The following CADPS variants were observed in gnomAD, a reference collection of about 807,000 sequenced individuals.
CADPS encodes the protein calcium dependent secretion activator, also known as calcium-dependent secretion activator 1.
CADPS carries 57 observed loss-of-function variants against 167.3 expected under a neutral mutation model. The observed-to-expected ratio is 0.34, with a 90% CI of 0.28 to 0.42. CADPS has a LOEUF of 0.42. Ranked by LOEUF, CADPS falls within the 20% of genes least tolerant of loss-of-function variation. The probability of loss-of-function intolerance (pLI) is 1.00; values close to 1 mark genes in which losing one functional copy is unlikely to be tolerated. For synonymous variants in CADPS, 676 were observed against 635.3 expected (o/e 1.06, Z -0.96); for missense variants, 1,414 against 1,738.1 (o/e 0.81, Z 3.32).
At position 62,822,038 on chromosome 3, in the gene CADPS, G is replaced by C. The variant is rs145207597; in HGVS notation, c.441+52551C>G. The stretch of plus-strand genomic sequence containing the variant: ...ACCATCCATCCTCAAGCCAGTGTTG[G>C]TGCATCAAATCCTTCCCATTCTTGG... On this transcript the variant is annotated intron_variant, in intron 1 of 29. Transcript: ENST00000383710. Among the ~76,000 whole-genome samples, 53 of 152,258 alleles carry C rather than the reference G, an allele frequency of 3.5e-4. 1 individual carries two copies. The East Asian group carries it at 9.5e-3, about 27-fold the overall frequency.
chr3:62,437,713 C>G (rs1265219826), intron 28 of CADPS, among the ~76,000 whole-genome samples: 1 of 152,178 alleles, frequency 6.6e-6, no homozygotes, highest in East Asian at 1.9e-4. Context: ...GGCGCCACCC[C>G]CAGGAGAGGG....
intron 12 of CADPS, among the ~76,000 whole-genome samples, chr3:62,535,167 T>A (rs2074432962): frequency 6.6e-6 from 1 of 151,856 alleles, no homozygotes; most frequent in African/African-American, 2.4e-5. Context: ...AACAATCACA[T>A]AATTGTACAA....
intron 1 of CADPS, among the ~76,000 whole-genome samples, chr3:62,868,062 C>G (rs1425563832): frequency 6.6e-6 from 1 of 152,040 alleles, no homozygotes; most frequent in East Asian, 1.9e-4. Flanking sequence ...TGAATTCATC[C>G]CCCTTTCCTC....
chr3:62,435,283 G>A (rs559376483), intron 28 of CADPS, among the ~76,000 whole-genome samples: 1 of 152,250 alleles, frequency 6.6e-6, no homozygotes, highest in Non-Finnish European at 1.5e-5. Flanking sequence ...CTTCTGCCTT[G>A]ATATTCCTAT....
At chr3:62,631,050 G>A (rs2065173563) in intron 6 of CADPS, among the ~76,000 whole-genome samples, 2 of 151,766 alleles carry the variant, frequency 1.3e-5, no homozygotes. Flanking sequence ...AAGCTGAAAT[G>A]AAAAGAGACT....
At position 62,398,638 on chromosome 3, in the gene CADPS, C is replaced by T. The variant is rs1026163527; in HGVS notation, c.*768G>A. On this transcript the variant is annotated 3_prime_UTR_variant, in exon 30 of 30. Transcript: ENST00000383710. ...AGTCTAGGGTTGTAATTTAAATATTCATTTTTTTTACATACACAGTTGAGA... is the reference window on the plus strand; with the variant it reads ...AGTCTAGGGTTGTAATTTAAATATTTATTTTTTTTACATACACAGTTGAGA... The T allele has an allele frequency of 6.6e-6, 1 of 152,428 alleles. No homozygotes were observed. The highest frequency in any genetic ancestry group is 1.5e-5 in the Non-Finnish European group (1 of 67,952). 9.4% of individuals were successfully genotyped at this position (152,428 alleles called of 1,614,324 possible).
intron 1 of CADPS, among the ~76,000 whole-genome samples, chr3:62,792,034 C>A (rs1304415566): frequency 6.6e-6 from 1 of 152,090 alleles, no homozygotes; most frequent in Non-Finnish European, 1.5e-5. Context: ...TTAACTACAG[C>A]CCATGCTGAA....
intron 6 of CADPS, among the ~76,000 whole-genome samples, chr3:62,605,173 G>C (rs1426960769): frequency 6.6e-6 from 1 of 151,818 alleles, no homozygotes; most frequent in African/African-American, 2.4e-5. Flanking sequence ...TGGGCCAGGG[G>C]AATTGTAAAA....
In CADPS at chr3:62,849,185, ATG is replaced by A. The variant is rs946958816; in HGVS notation, c.441+25402_441+25403del. ...CTTAAGGAGATTTTGGGCTGAGACA[ATG>A]GGGTTTTCTAGATAAACAATCATGT... On this transcript the variant is annotated intron_variant, in intron 1 of 29. Coordinates refer to ENST00000383710, the MANE Select transcript of CADPS (RefSeq NM_003716.4). Among the ~76,000 whole-genome samples the A allele has an allele frequency of 5.6e-4, 84 of 150,518 alleles. 2 individuals carry two copies. In the South Asian group the frequency reaches 0.012, roughly 21 times the overall value.
rs1224045760 is a variant in CADPS at position 62,875,316 on chromosome 3, C to T, written c.-287G>A. On this transcript the variant is annotated 5_prime_UTR_variant, in exon 1 of 30. Coordinates refer to ENST00000383710, the MANE Select transcript of CADPS (RefSeq NM_003716.4). ...CAATTGCGAGCCCCGAGCCCGCAGCCGGATGCCATCTGCGGCTGCTGAAGG... is the reference window on the plus strand; with the variant it reads ...CAATTGCGAGCCCCGAGCCCGCAGCTGGATGCCATCTGCGGCTGCTGAAGG... The T allele has an allele frequency of 1.4e-5, 3 of 210,034 alleles. No individual in the cohort carries two copies. Among genetic ancestry groups the T allele is most frequent in the African/African-American group, 6.9e-5 (3 of 43,446 alleles). The allele number at this position is 210,034 out of a possible 1,614,324, so 13.0% of individuals were successfully genotyped here.
chr3:62,732,986 A>C (rs10490887), intron 3 of CADPS, among the ~76,000 whole-genome samples: 14,019 of 152,274 alleles, frequency 0.092, 697 homozygotes, highest in South Asian at 0.17. Flanking sequence ...GACCTACAAT[A>C]GTCGATGGCT....
intron 17 of CADPS, among the ~76,000 whole-genome samples, chr3:62,509,095 G>C (rs1038052567): frequency 6.6e-6 from 1 of 151,834 alleles, no homozygotes; most frequent in Non-Finnish European, 1.5e-5. Flanking sequence ...TTGAGGCCAG[G>C]AGTTCAAGAC....
chr3:62,423,005 T>C (rs546828617), intron 28 of CADPS, among the ~76,000 whole-genome samples: 35 of 152,318 alleles, frequency 2.3e-4, no homozygotes, highest in Middle Eastern at 3.4e-3. Context: ...TTTATTCTTA[T>C]GGGATAAAAG....
intron 3 of CADPS, among the ~76,000 whole-genome samples, chr3:62,668,373 G>A (rs753816132): frequency 2.3e-4 from 35 of 152,090 alleles, no homozygotes; most frequent in African/African-American, 6.0e-4. Context: ...CAGCCTTGTC[G>A]GGCACCACAT....
intron 1 of CADPS, chr3:62,814,325 AAT>A (rs772877508): frequency 1.3e-5 from 2 of 152,178 alleles, no homozygotes; most frequent in Non-Finnish European, 2.9e-5. Context: ...AAATTTTCAT[AAT>A]ATGTTTAACT....
chr3:62,756,435 T>C (rs1048732294), intron 2 of CADPS, among the ~76,000 whole-genome samples: 4 of 152,210 alleles, frequency 2.6e-5, no homozygotes, highest in Admixed American at 1.3e-4. Flanking sequence ...TCCTTTTAAC[T>C]GTAATGATTA....
intron 10 of CADPS, among the ~76,000 whole-genome samples, chr3:62,551,320 C>T (rs1404996012): frequency 6.6e-6 from 1 of 152,230 alleles, no homozygotes; most frequent in Non-Finnish European, 1.5e-5. Flanking sequence ...TCACTACCCA[C>T]TTCCAATGAA....
chr3:62,441,955 G>A (rs2149841964), intron 27 of CADPS, among the ~76,000 whole-genome samples: 1 of 152,238 alleles, frequency 6.6e-6, no homozygotes, highest in Admixed American at 6.5e-5. Context: ...AGAACTTAAT[G>A]GAAAGCAATA....
chr3:62,445,739 A>C (rs775498631), intron 27 of CADPS, 26 bp downstream of exon 27: 4 of 1,412,264 alleles, frequency 2.8e-6, no homozygotes, highest in Non-Finnish European at 2.9e-6. Flanking sequence ...AAAAAACCCC[A>C]TGAGAAACAA....
Sources: gnomAD v4.1 joint callset for allele counts (sites outside exome capture counted in the v4.1 genomes callset) on GRCh38, gnomAD v4.1.1 for gene constraint, MANE v1.5 for transcripts, NCBI Gene and HGNC (gene_info 2026-07-23, HGNC 2026-07-21) for gene names.